The following SNTG1 variants were observed in gnomAD, a reference collection of about 807,000 sequenced individuals.
The protein encoded by SNTG1 is syntrophin gamma 1.
A neutral mutation model predicts 74.7 loss-of-function variants in SNTG1; 39 were observed. That is an observed-to-expected ratio of 0.52 (90% CI 0.40 to 0.68). SNTG1 has a LOEUF of 0.68. Ranked by LOEUF, SNTG1 falls within the 30% of genes least tolerant of loss-of-function variation. The pLI is 0.00. For synonymous variants in SNTG1, 254 were observed against 217.1 expected (o/e 1.17, Z -1.49); for missense variants, 685 against 609.5 (o/e 1.12, Z -1.30).
chr8:50,306,978 T>C (rs974433373), intron 2 of SNTG1, among the ~76,000 whole-genome samples: 1 of 152,082 alleles, frequency 6.6e-6, no homozygotes, highest in Non-Finnish European at 1.5e-5. Context: ...ATATTTACAG[T>C]ATGTGCTCTT....
At chr8:50,060,688 A>G (rs905248044) in intron 1 of SNTG1, among the ~76,000 whole-genome samples, 2 of 152,102 alleles carry the variant, frequency 1.3e-5, no homozygotes, top group Non-Finnish European at 2.9e-5. Flanking sequence ...TAAAACACCT[A>G]CAGCTTTTTA....
chr8:50,643,492 T>C (rs1343028078), intron 13 of SNTG1, among the ~76,000 whole-genome samples: 1 of 152,218 alleles, frequency 6.6e-6, no homozygotes, highest in Admixed American at 6.5e-5. Context: ...CTACAGCTGA[T>C]ATAAAATGAC....
intron 1 of SNTG1, among the ~76,000 whole-genome samples, chr8:49,947,990 T>C (rs936309874): frequency 7.9e-5 from 12 of 151,834 alleles, no homozygotes; most frequent in African/African-American, 2.7e-4. Flanking sequence ...AATTAGCTGG[T>C]TATGGTGTCA....
chr8:50,627,628 G>A (rs924571809), intron 13 of SNTG1, among the ~76,000 whole-genome samples: 3 of 152,140 alleles, frequency 2.0e-5, no homozygotes, highest in African/African-American at 4.8e-5. Flanking sequence ...TATAAACCAG[G>A]GTTCCCATGA....
intron 2 of SNTG1, among the ~76,000 whole-genome samples, chr8:50,266,769 C>T (rs1250240446): frequency 2.0e-5 from 3 of 148,218 alleles, no homozygotes; most frequent in Middle Eastern, 3.6e-3. Flanking sequence ...CCAAAAAAAG[C>T]GAAAGAGAAG....
chr8:50,630,950 T>C (rs2094993089), intron 13 of SNTG1, among the ~76,000 whole-genome samples: 1 of 152,200 alleles, frequency 6.6e-6, no homozygotes, highest in South Asian at 2.1e-4. Context: ...GAACTAGAGA[T>C]ACCTCCAAGA....
chr8:49,963,346 T>G (rs2129770621), intron 1 of SNTG1, among the ~76,000 whole-genome samples: 1 of 152,324 alleles, frequency 6.6e-6, no homozygotes, highest in Non-Finnish European at 1.5e-5. Flanking sequence ...TTTGGCACAT[T>G]GCCCAACTGT....
chr8:50,033,069 T>C (rs1300200959), intron 1 of SNTG1, among the ~76,000 whole-genome samples: 1 of 152,110 alleles, frequency 6.6e-6, no homozygotes, highest in Non-Finnish European at 1.5e-5. Flanking sequence ...TAGATAATAC[T>C]GCTTTGAAAA....
chr8:49,928,638 T>G (rs1025885539), intron 1 of SNTG1, among the ~76,000 whole-genome samples: 1 of 152,146 alleles, frequency 6.6e-6, no homozygotes, highest in African/African-American at 2.4e-5. Context: ...AGGAACTCTC[T>G]GCACATTTTG....
chr8:50,356,478 A>T (rs2091820175), intron 2 of SNTG1, among the ~76,000 whole-genome samples: 1 of 152,164 alleles, frequency 6.6e-6, no homozygotes, highest in African/African-American at 2.4e-5. Context: ...GTGCTGCTAT[A>T]ACAAAATATC....
At chr8:50,249,679 C>T (rs2086560877) in intron 2 of SNTG1, among the ~76,000 whole-genome samples, 1 of 152,284 alleles carries the variant, frequency 6.6e-6, no homozygotes, top group South Asian at 2.1e-4. Context: ...ACTGCTGTAG[C>T]CTAGGCCTAT....
intron 1 of SNTG1, among the ~76,000 whole-genome samples, chr8:50,000,946 C>T (rs189259953): frequency 1.3e-5 from 2 of 152,270 alleles, no homozygotes; most frequent in Admixed American, 1.3e-4. Context: ...GTTGTCAAAG[C>T]CTTTCTTTTG....
At chr8:50,315,888 T>G (rs2090299045) in intron 2 of SNTG1, among the ~76,000 whole-genome samples, 1 of 152,170 alleles carries the variant, frequency 6.6e-6, no homozygotes, top group Non-Finnish European at 1.5e-5. Context: ...CTTTCAGATT[T>G]TCATTGAATA....
At chr8:50,532,730 T>C (rs777699432) in intron 10 of SNTG1, among the ~76,000 whole-genome samples, 3 of 152,192 alleles carry the variant, frequency 2.0e-5, no homozygotes, top group Non-Finnish European at 4.4e-5. Flanking sequence ...GTCAAAGACA[T>C]GAAATAACAA....
intron 13 of SNTG1, among the ~76,000 whole-genome samples, chr8:50,598,211 TA>T (rs1165739484): frequency 6.6e-6 from 1 of 152,002 alleles, no homozygotes; most frequent in Non-Finnish European, 1.5e-5. Context: ...AGGTCTTACT[TA>T]AAGTTCAAGT....
At chr8:50,116,128 G>A (rs888652603) in intron 1 of SNTG1, among the ~76,000 whole-genome samples, 1 of 151,830 alleles carries the variant, frequency 6.6e-6, no homozygotes, top group Non-Finnish European at 1.5e-5. Context: ...TTATTTCCAG[G>A]TTACATAAAA....
chr8:50,681,585 T>C (rs191836237), intron 15 of SNTG1, among the ~76,000 whole-genome samples: 2 of 152,322 alleles, frequency 1.3e-5, no homozygotes, highest in Admixed American at 1.3e-4. Context: ...ATTTTTGGAT[T>C]GTGAGAAGAA....
chr8:50,514,948 G>T (rs2094118606), intron 9 of SNTG1, among the ~76,000 whole-genome samples: 1 of 152,112 alleles, frequency 6.6e-6, no homozygotes, highest in Non-Finnish European at 1.5e-5. Context: ...TCTTCATGGT[G>T]AATTGACAGT....
chr8:50,690,390 T>G (rs948357120), intron 15 of SNTG1, among the ~76,000 whole-genome samples: 9 of 152,202 alleles, frequency 5.9e-5, no homozygotes, highest in Admixed American at 2.6e-4. Flanking sequence ...CATTTAGTGC[T>G]ATAAAATTCC....
Sources: allele counts gnomAD v4.1 joint callset (sites outside exome capture counted in the v4.1 genomes callset), GRCh38; gene constraint gnomAD v4.1.1; transcripts MANE v1.5; gene names NCBI Gene and HGNC (gene_info 2026-07-23, HGNC 2026-07-21).